The following CAMKMT variants were observed in gnomAD, a reference collection of about 807,000 sequenced individuals.
The protein encoded by CAMKMT is calmodulin-lysine N-methyltransferase.
In CAMKMT, 53 loss-of-function variants were observed where a neutral mutation model predicts 48.0. The ratio of observed to expected loss-of-function variants is 1.10; its 90% CI spans 0.89 to 1.39. CAMKMT has a LOEUF of 1.39. Ranked by LOEUF, CAMKMT falls within the 40% of genes most tolerant of loss-of-function variation. The pLI, the probability that CAMKMT is intolerant of heterozygous loss-of-function variation, is 0.00. For missense variants in CAMKMT, 428 were observed against 402.7 expected (o/e 1.06, Z -0.54); for synonymous variants, 165 against 152.3 (o/e 1.08, Z -0.61).
chr2:44,554,640 G>T (rs1404707751), intron 3 of CAMKMT, among the ~76,000 whole-genome samples: 1 of 152,100 alleles, frequency 6.6e-6, no homozygotes, highest in Non-Finnish European at 1.5e-5. Flanking sequence ...GGAGTCTGAG[G>T]TGGGAGGATC....
At position 44,516,045 on chromosome 2, in the gene CAMKMT, ATATG is replaced by A. The variant is rs1263339731; in HGVS notation, c.376+125743_376+125746del. On this transcript the variant is annotated intron_variant, in intron 3 of 10. Transcript: ENST00000378494. ...ATTATTACCAAGCTTCTGTCAGGAA[ATATG>A]TACTAGAAGCCAAACAAAATTATTT... Among the ~76,000 whole-genome samples the A allele has an allele frequency of 2.0e-5, 3 of 152,278 alleles. No homozygotes were observed. In the East Asian group the frequency reaches 5.8e-4, roughly 29 times the overall value.
chr2:44,549,739 C>A lies in CAMKMT; in HGVS notation c.377-154544C>A, dbSNP rs990468091. 9 of 509,378 alleles carry A rather than the reference C, an allele frequency of 1.8e-5. No individual in the cohort carries two copies. In the East Asian group the frequency reaches 2.8e-4, roughly 16 times the overall value. The allele number at this position is 509,378 out of a possible 1,614,324, so 31.6% of individuals were successfully genotyped here. ...AAGTCTCAGACTTCAGTAAGTAAGCCTATGTCCTACATGATGTCTGTAAAC... is the reference window on the plus strand; with the variant it reads ...AAGTCTCAGACTTCAGTAAGTAAGCATATGTCCTACATGATGTCTGTAAAC... On this transcript the variant is annotated intron_variant, in intron 3 of 10. Coordinates refer to ENST00000378494, the MANE Select transcript of CAMKMT (RefSeq NM_024766.5).
intron 3 of CAMKMT, among the ~76,000 whole-genome samples, chr2:44,605,340 A>G (rs934996754): frequency 6.6e-6 from 1 of 152,106 alleles, no homozygotes; most frequent in African/African-American, 2.4e-5. Context: ...GGCCTTTACA[A>G]ACTGTAGCAC....
rs78445493 is a variant in CAMKMT at position 44,534,241 on chromosome 2, A to G, written c.376+143936A>G. Among the ~76,000 whole-genome samples the G allele has an allele frequency of 2.1e-3, 326 of 152,258 alleles. 1 individual carries two copies. The highest frequency in any genetic ancestry group is 7.5e-3 in the African/African-American group (313 of 41,566). On this transcript the variant is annotated intron_variant, in intron 3 of 10. Transcript: ENST00000378494. ...TATAAAGCAGATATTACTAGACCTA[A>G]ATAAAGAGATAGACTTCCTATACAA...
chr2:44,610,545 C>T (rs1671540307), intron 3 of CAMKMT, among the ~76,000 whole-genome samples: 1 of 152,172 alleles, frequency 6.6e-6, no homozygotes, highest in Non-Finnish European at 1.5e-5. Flanking sequence ...TGGACAAAAA[C>T]TGTCAGTATG....
intron 3 of CAMKMT, among the ~76,000 whole-genome samples, chr2:44,510,520 T>G (rs1309135969): frequency 6.6e-6 from 1 of 152,180 alleles, no homozygotes; most frequent in Non-Finnish European, 1.5e-5. Context: ...ACAACACTAC[T>G]ATTTTCCCCT....
rs1358594053 is a variant in CAMKMT at position 44,706,473 on chromosome 2, CCTT to C, written c.492+135_492+137del. The C allele has an allele frequency of 9.0e-6, 7 of 773,604 alleles. No homozygotes were observed. In the East Asian group the frequency reaches 1.5e-4, roughly 17 times the overall value. 47.9% of individuals were successfully genotyped at this position (773,604 alleles called of 1,614,324 possible). Reference sequence around the variant, plus strand: ...GGTCAAGCTGCCGGGTCTTGAGAGACCTTCTAGATTGACTTACTTTCGGATCAT... The same window carrying C: ...GGTCAAGCTGCCGGGTCTTGAGAGACCTAGATTGACTTACTTTCGGATCAT... On this transcript the variant is annotated intron_variant, in intron 5 of 10. Coordinates refer to ENST00000378494, the MANE Select transcript of CAMKMT (RefSeq NM_024766.5).
chr2:44,645,080 C>G (rs1030447354), intron 3 of CAMKMT, among the ~76,000 whole-genome samples: 2 of 152,072 alleles, frequency 1.3e-5, no homozygotes, highest in East Asian at 3.8e-4. Flanking sequence ...TCACATTGTT[C>G]TAGTAGGAGT....
At chr2:44,531,826 T>G (rs1666500732) in intron 3 of CAMKMT, among the ~76,000 whole-genome samples, 1 of 152,196 alleles carries the variant, frequency 6.6e-6, no homozygotes, top group Admixed American at 6.5e-5. Flanking sequence ...GCAAATATTT[T>G]AAAATACATT....
chr2:44,629,831 T>G (rs565035541), intron 3 of CAMKMT, among the ~76,000 whole-genome samples: 1 of 152,108 alleles, frequency 6.6e-6, no homozygotes, highest in East Asian at 1.9e-4. Context: ...CAAGGTAATT[T>G]ATAGATTCAA....
intron 3 of CAMKMT, among the ~76,000 whole-genome samples, chr2:44,627,419 C>G (rs1672544000): frequency 6.6e-6 from 1 of 152,010 alleles, no homozygotes; most frequent in Admixed American, 6.6e-5. Context: ...GGCAAATGTT[C>G]TTCCTTCTTA....
intron 4 of CAMKMT, among the ~76,000 whole-genome samples, chr2:44,704,738 C>T (rs1278153905): frequency 6.7e-6 from 1 of 149,628 alleles, no homozygotes; most frequent in Non-Finnish European, 1.5e-5. Flanking sequence ...CTGGGGAAGT[C>T]ACTACAGAAT....
chr2:44,507,709 C>T (rs1202313165), intron 3 of CAMKMT, among the ~76,000 whole-genome samples: 3 of 152,118 alleles, frequency 2.0e-5, no homozygotes, highest in Non-Finnish European at 4.4e-5. Context: ...CTCTCATTAT[C>T]CCCATTTTAC....
In CAMKMT at chr2:44,372,823, A is replaced by G; in HGVS notation, c.246A>G (p.Glu82=). Reference sequence around the variant, plus strand: ...CAGAAGGCAAAGAAAGGGAAACTGAAGAGGAGGTTGGTGCATGGGTCCAAT... The same window carrying G: ...CAGAAGGCAAAGAAAGGGAAACTGAGGAGGAGGTTGGTGCATGGGTCCAAT... ...SVTEGKERET[E]EEVGAWVQYT... Residue 82 remains glutamate, a synonymous_variant, in exon 2 of 11, where the codon GAA becomes GAG. Transcript: ENST00000378494. 1 of 1,613,970 alleles carries G rather than the reference A, an allele frequency of 6.2e-7. No individual in the cohort carries two copies.
In CAMKMT at chr2:44,381,862, C is replaced by T. The variant is rs1437997958; in HGVS notation, c.312-8379C>T. 4.0e-5 allele frequency among the ~76,000 whole-genome samples: 6 copies of T among 151,636 alleles called. No homozygotes were observed. In the East Asian group the frequency reaches 7.7e-4, roughly 20 times the overall value. On this transcript the variant is annotated intron_variant, in intron 2 of 10. Coordinates refer to ENST00000378494, the MANE Select transcript of CAMKMT (RefSeq NM_024766.5). ...ATGAGCAGTTTTTTCTTGAAGGAACCGTATATTGCTTTTATATTAAAACTT... is the reference window on the plus strand; with the variant it reads ...ATGAGCAGTTTTTTCTTGAAGGAACTGTATATTGCTTTTATATTAAAACTT...
At chr2:44,729,022 T>TAA (rs201005344) in intron 7 of CAMKMT, among the ~76,000 whole-genome samples, 1 of 150,958 alleles carries the variant, frequency 6.6e-6, no homozygotes, top group African/African-American at 2.4e-5. Flanking sequence ...TTTTGTTTTT[T>TAA]TAAAAAAAAA....
At chr2:44,677,155 C>T (rs932029769) in intron 3 of CAMKMT, among the ~76,000 whole-genome samples, 3 of 152,028 alleles carry the variant, frequency 2.0e-5, no homozygotes, top group African/African-American at 7.3e-5. Context: ...TTGAGCCCAA[C>T]CTCATTTTTT....
At chr2:44,629,209 G>C (rs557902822) in intron 3 of CAMKMT, among the ~76,000 whole-genome samples, 6 of 151,902 alleles carry the variant, frequency 3.9e-5, no homozygotes, top group Non-Finnish European at 7.4e-5. Flanking sequence ...TATTTGTTGC[G>C]TACATATTTA....
chr2:44,473,577 C>A (rs976606821), intron 3 of CAMKMT, among the ~76,000 whole-genome samples: 1 of 152,112 alleles, frequency 6.6e-6, no homozygotes, highest in Non-Finnish European at 1.5e-5. Context: ...TATGTAATAA[C>A]CAACTCTGGA....
Sources: allele counts gnomAD v4.1 joint callset (sites outside exome capture counted in the v4.1 genomes callset), GRCh38; gene constraint gnomAD v4.1.1; transcripts MANE v1.5; gene names NCBI Gene and HGNC (gene_info 2026-07-23, HGNC 2026-07-21).